Variants in DNAL1 observed in about 807,000 individuals in gnomAD.
DNAL1 encodes the protein dynein axonemal light chain 1.
A neutral mutation model predicts 29.4 loss-of-function variants in DNAL1; 17 were observed. That is an observed-to-expected ratio of 0.58 (90% CI 0.40 to 0.87). DNAL1 has a LOEUF of 0.87. Ranked by LOEUF, DNAL1 falls within the 40% of genes least tolerant of loss-of-function variation. DNAL1 has a pLI of 0.00. For synonymous variants in DNAL1, 78 were observed against 76.3 expected (o/e 1.02, Z -0.12); for missense variants, 188 against 214.1 (o/e 0.88, Z 0.76).
chr14:73,685,460 A>ATTT lies in DNAL1; in HGVS notation c.265-1784_265-1782dup, dbSNP rs200537222. Reference sequence around the variant, plus strand: ...TGTGTCAGAATTTCCTTTCTGCTTAATTTTTTTTTTTTTTTTTGAGACTGA... The same window carrying ATTT: ...TGTGTCAGAATTTCCTTTCTGCTTAATTTTTTTTTTTTTTTTTTTTGAGACTGA... On this transcript the variant is annotated intron_variant, in intron 5 of 7. Coordinates refer to ENST00000553645, the MANE Select transcript of DNAL1 (RefSeq NM_031427.4). 1.1e-3 allele frequency among the ~76,000 whole-genome samples: 160 copies of ATTT among 139,594 alleles called. 4 individuals carry two copies. Among genetic ancestry groups the ATTT allele is most frequent in the East Asian group, 5.5e-3 (26 of 4,758 alleles). 91.6% of individuals were successfully genotyped at this position (139,594 alleles called of 152,430 possible). A position where few individuals can be genotyped will look rare whatever the true frequency, so the allele number is the denominator to read the frequency against.
chr14:73,685,356 T>C (rs1180565861), intron 5 of DNAL1, among the ~76,000 whole-genome samples: 1 of 152,208 alleles, frequency 6.6e-6, no homozygotes, highest in Non-Finnish European at 1.5e-5. Context: ...ATATAAGTAG[T>C]ATCATACAGC....
At chr14:73,654,310 C>T (rs1395883304) in intron 1 of DNAL1, among the ~76,000 whole-genome samples, 1 of 152,070 alleles carries the variant, frequency 6.6e-6, no homozygotes, top group Non-Finnish European at 1.5e-5. Flanking sequence ...TAATGATTTC[C>T]TTATTTTTTC....
Position 73,701,293 on chromosome 14 carries a change from A to G in DNAL1, c.*5351A>G, listed in dbSNP as rs1892430553. 1 of 152,252 alleles carries G rather than the reference A, an allele frequency of 6.6e-6. No individual in the cohort carries two copies. Among genetic ancestry groups the G allele is most frequent in the South Asian group, 2.1e-4 (1 of 4,830 alleles). The allele number at this position is 152,252 out of a possible 1,614,324, so 9.4% of individuals were successfully genotyped here. A position where few individuals can be genotyped will look rare whatever the true frequency, so the allele number is the denominator to read the frequency against. ...CTGGATGTTGGTGGAAAGGACTTCCATAGGGCAGATGGGTAAATATCTAGC... is the reference window on the plus strand; with the variant it reads ...CTGGATGTTGGTGGAAAGGACTTCCGTAGGGCAGATGGGTAAATATCTAGC... On this transcript the variant is annotated 3_prime_UTR_variant, in exon 8 of 8. Transcript: ENST00000553645.
intron 4 of DNAL1, among the ~76,000 whole-genome samples, chr14:73,669,815 G>A (rs1200263654): frequency 3.3e-5 from 5 of 151,984 alleles, no homozygotes; most frequent in African/African-American, 9.7e-5. Context: ...ATTTTCCGGG[G>A]GACACAGTTC....
In DNAL1 at chr14:73,658,472, A is replaced by C. The variant is rs115862919; in HGVS notation, c.43-375A>C. Among the ~76,000 whole-genome samples the C allele has an allele frequency of 8.3e-3, 1,269 of 152,258 alleles. 25 individuals are homozygous for C. The highest frequency in any genetic ancestry group is 0.029 in the African/African-American group (1,201 of 41,534). Reference sequence around the variant, plus strand: ...GGTATTTTGATAGGAATTACATTGAATCTGTAGCTTGCATTGGGAAGTATG... The same window carrying C: ...GGTATTTTGATAGGAATTACATTGACTCTGTAGCTTGCATTGGGAAGTATG... On this transcript the variant is annotated intron_variant, in intron 2 of 7. Transcript: ENST00000553645.
chr14:73,695,622 C>T (rs186253540), intron 7 of DNAL1, among the ~76,000 whole-genome samples: 21 of 152,110 alleles, frequency 1.4e-4, no homozygotes, highest in African/African-American at 3.1e-4. Context: ...CTCTGCCTCC[C>T]GGGTTCAAGC....
At chr14:73,666,427 C>G (rs1403187602) in intron 4 of DNAL1, among the ~76,000 whole-genome samples, 1 of 152,060 alleles carries the variant, frequency 6.6e-6, no homozygotes, top group South Asian at 2.1e-4. Context: ...CTATACTTTA[C>G]TCCTTCAGGT....
intron 5 of DNAL1, among the ~76,000 whole-genome samples, chr14:73,676,960 T>G (rs997956091): frequency 4.1e-5 from 6 of 144,986 alleles, no homozygotes; most frequent in African/African-American, 1.5e-4. Flanking sequence ...GTGAGTAGTA[T>G]TCATTTTTTT....
At chr14:73,673,935 G>T (rs1891671131) in intron 5 of DNAL1, among the ~76,000 whole-genome samples, 2 of 150,624 alleles carry the variant, frequency 1.3e-5, no homozygotes, top group East Asian at 3.9e-4. Context: ...GCAGATACTG[G>T]GTTTCTAATA....
chr14:73,682,129 T>C (rs1303695141), intron 5 of DNAL1, among the ~76,000 whole-genome samples: 1 of 151,676 alleles, frequency 6.6e-6, no homozygotes, highest in African/African-American at 2.4e-5. Context: ...AATAATATTG[T>C]TTTTATTTCT....
chr14:73,671,528 T>C lies in DNAL1; in HGVS notation c.209-14T>C. ...GATTCTAGTAAACAAAAAAATGTTTTCTTTTCACTACAGAAAACTTGAGGA... is the reference window on the plus strand; with the variant it reads ...GATTCTAGTAAACAAAAAAATGTTTCCTTTTCACTACAGAAAACTTGAGGA... On this transcript the variant is annotated splice_polypyrimidine_tract_variant and intron_variant, in intron 4 of 7. Transcript: ENST00000553645. 1 of 1,453,580 alleles carries C rather than the reference T, an allele frequency of 6.9e-7. No individual in the cohort carries two copies. Among genetic ancestry groups the C allele is most frequent in the Admixed American group, 2.6e-5 (1 of 38,882 alleles). The allele number at this position is 1,453,580 out of a possible 1,614,324, so 90.0% of individuals were successfully genotyped here. A position where few individuals can be genotyped will look rare whatever the true frequency, so the allele number is the denominator to read the frequency against.
chr14:73,676,694 TTCTC>T lies in DNAL1; in HGVS notation c.264+5110_264+5113del, dbSNP rs148847585. 5.9e-3 allele frequency among the ~76,000 whole-genome samples: 893 copies of T among 151,414 alleles called. 14 individuals carry two copies. The highest frequency in any genetic ancestry group is 0.04 in the Admixed American group (608 of 15,132). ...TTTTCTTGGGTGAGGAGTGTGGGTTTTCTCTCTCTCTCTCTCAATTTCTTCCTCT... is the reference window on the plus strand; with the variant it reads ...TTTTCTTGGGTGAGGAGTGTGGGTTTTCTCTCTCTCTCAATTTCTTCCTCT... On this transcript the variant is annotated intron_variant, in intron 5 of 7. Transcript: ENST00000553645.
chr14:73,692,850 T>G (rs921263472), intron 7 of DNAL1, among the ~76,000 whole-genome samples: 6 of 151,978 alleles, frequency 3.9e-5, no homozygotes, highest in Non-Finnish European at 7.4e-5. Context: ...CTTTTTTTTT[T>G]TTTTGAATCG....
At chr14:73,676,927 T>G (rs1247023030) in intron 5 of DNAL1, among the ~76,000 whole-genome samples, 2 of 152,012 alleles carry the variant, frequency 1.3e-5, no homozygotes, top group African/African-American at 4.8e-5. Context: ...GGATGAAGAT[T>G]ATCCCCTCCA....
At chr14:73,677,884 T>TTGTGTG (rs566825653) in intron 5 of DNAL1, among the ~76,000 whole-genome samples, 3,135 of 96,038 alleles carry the variant, frequency 0.033, 88 homozygotes, top group African/African-American at 0.061. Context: ...ATATATATAT[T>TTGTGTG]TGTGTGTGTG....
chr14:73,683,679 G>C (rs1013805833), intron 5 of DNAL1, among the ~76,000 whole-genome samples: 1 of 147,812 alleles, frequency 6.8e-6, no homozygotes, highest in Non-Finnish European at 1.5e-5. Flanking sequence ...CATGAGATCA[G>C]CTTTTTTTAT....
chr14:73,690,824 G>A (rs1194710994), intron 7 of DNAL1, among the ~76,000 whole-genome samples: 1 of 152,078 alleles, frequency 6.6e-6, no homozygotes, highest in Admixed American at 6.5e-5. Context: ...GTAACACAAA[G>A]GTCACAAATT....
intron 5 of DNAL1, among the ~76,000 whole-genome samples, chr14:73,674,696 C>A (rs1165935768): frequency 5.3e-5 from 8 of 152,152 alleles, no homozygotes; most frequent in Non-Finnish European, 8.8e-5. Context: ...TGTGTGCCAT[C>A]ATACCAAGCT....
intron 1 of DNAL1, among the ~76,000 whole-genome samples, chr14:73,652,434 G>A (rs962761616): frequency 4.0e-5 from 6 of 151,804 alleles, no homozygotes; most frequent in East Asian, 1.9e-4. Flanking sequence ...GTGCCACCAC[G>A]GTCTAATTTT....
Sources: allele counts gnomAD v4.1 joint callset (sites outside exome capture counted in the v4.1 genomes callset), GRCh38; gene constraint gnomAD v4.1.1; transcripts MANE v1.5; gene names NCBI Gene and HGNC (gene_info 2026-07-23, HGNC 2026-07-21).